Variants in C3orf70 observed in about 807,000 individuals in gnomAD.
C3orf70 encodes UPF0524 protein C3orf70.
In C3orf70, 15 loss-of-function variants were observed where a neutral mutation model predicts 20.7. That is an observed-to-expected ratio of 0.72 (90% CI 0.48 to 1.11). The LOEUF (loss-of-function observed/expected upper bound fraction) is 1.11, where lower values mean the gene tolerates loss of function less well. Among genes scored for constraint, C3orf70 ranks in the 50% most tolerant of loss-of-function variants. The pLI is 0.00. For missense variants in C3orf70, 332 were observed against 317.6 expected (o/e 1.05, Z -0.34); for synonymous variants, 161 against 125.7 (o/e 1.28, Z -1.88).
rs745369058 is a variant in C3orf70 at position 185,078,078 on chromosome 3, G to A, written c.*4929C>T. The A allele has an allele frequency of 2.0e-5, 3 of 152,474 alleles. No individual in the cohort carries two copies. The highest frequency in any genetic ancestry group is 6.5e-5 in the Admixed American group (1 of 15,272). The allele number at this position is 152,474 out of a possible 1,614,324, so 9.4% of individuals were successfully genotyped here. ...TGGTATAAAAGAAAAAAAAAATCAC[G>A]TTTATTTTACAAGGCAGTTATTTTC... On this transcript the variant is annotated 3_prime_UTR_variant, in exon 2 of 2. Transcript: ENST00000335012.
chr3:185,122,881 C>T (rs1394540473), intron 1 of C3orf70, among the ~76,000 whole-genome samples: 1 of 151,838 alleles, frequency 6.6e-6, no homozygotes, highest in Non-Finnish European at 1.5e-5. Flanking sequence ...ATGGGCCAGG[C>T]GCAGTGGCTC....
At chr3:185,112,248 C>T (rs937505055) in intron 1 of C3orf70, among the ~76,000 whole-genome samples, 4 of 152,208 alleles carry the variant, frequency 2.6e-5, no homozygotes, top group Admixed American at 2.0e-4. Flanking sequence ...CAAGATCACA[C>T]CACTGCATTC....
intron 1 of C3orf70, among the ~76,000 whole-genome samples, chr3:185,108,516 T>C (rs534959739): frequency 3.8e-4 from 58 of 152,386 alleles, no homozygotes; most frequent in African/African-American, 1.3e-3. Context: ...CCTTTTTACA[T>C]CACTCACATT....
At chr3:185,091,963 AT>A (rs146504613) in intron 1 of C3orf70, among the ~76,000 whole-genome samples, 46 of 15,664 alleles carry the variant, frequency 2.9e-3, no homozygotes, top group East Asian at 9.4e-3. Context: ...ATATATATAT[AT>A]TTTTTTTTTT....
At chr3:185,120,714 TAA>T (rs565950615) in intron 1 of C3orf70, among the ~76,000 whole-genome samples, 35 of 72,694 alleles carry the variant, frequency 4.8e-4, no homozygotes, top group Admixed American at 5.8e-4. Context: ...AATCCAAAAC[TAA>T]AAAAAAAAAA....
At chr3:185,103,976 A>G (rs1300754579) in intron 1 of C3orf70, among the ~76,000 whole-genome samples, 3 of 152,190 alleles carry the variant, frequency 2.0e-5, no homozygotes, top group African/African-American at 4.8e-5. Flanking sequence ...TGCTTTGTGC[A>G]TGCCTAGAGA....
chr3:185,137,661 G>A (rs986433313), intron 1 of C3orf70, among the ~76,000 whole-genome samples: 3 of 152,164 alleles, frequency 2.0e-5, no homozygotes, highest in Non-Finnish European at 4.4e-5. Flanking sequence ...GGTCAGAAAG[G>A]AAGTTTCGAG....
At chr3:185,105,366 G>A (rs533634545) in intron 1 of C3orf70, among the ~76,000 whole-genome samples, 9 of 152,352 alleles carry the variant, frequency 5.9e-5, no homozygotes, top group African/African-American at 2.2e-4. Flanking sequence ...CCCACTCAGG[G>A]TGGAAAACCG....
intron 1 of C3orf70, among the ~76,000 whole-genome samples, chr3:185,095,555 C>T (rs1036980294): frequency 3.3e-5 from 5 of 152,116 alleles, no homozygotes; most frequent in Non-Finnish European, 7.4e-5. Flanking sequence ...ACAAGTCAGC[C>T]TGATTTAAGA....
intron 1 of C3orf70, among the ~76,000 whole-genome samples, chr3:185,131,376 G>A (rs1716519647): frequency 6.6e-6 from 1 of 152,152 alleles, no homozygotes; most frequent in Admixed American, 6.5e-5. Flanking sequence ...AAGTAACCAA[G>A]TGGTAATATC....
At chr3:185,103,039 G>A (rs947498633) in intron 1 of C3orf70, among the ~76,000 whole-genome samples, 4 of 152,148 alleles carry the variant, frequency 2.6e-5, no homozygotes, top group African/African-American at 9.7e-5. Context: ...GAGGTCAGGG[G>A]TTCGAGACCA....
intron 1 of C3orf70, among the ~76,000 whole-genome samples, chr3:185,084,257 T>C (rs1000635984): frequency 6.6e-6 from 1 of 152,122 alleles, no homozygotes; most frequent in Non-Finnish European, 1.5e-5. Flanking sequence ...TCTCTAATAA[T>C]GTTTGTGTTA....
chr3:185,090,485 G>A (rs1715542947), intron 1 of C3orf70, among the ~76,000 whole-genome samples: 2 of 151,950 alleles, frequency 1.3e-5, no homozygotes, highest in South Asian at 4.2e-4. Context: ...ACTGCTCTCA[G>A]GGAATGCAAA....
chr3:185,079,299 A>AAAAAAG lies in C3orf70; in HGVS notation c.*3702_*3707dup. On this transcript the variant is annotated 3_prime_UTR_variant, in exon 2 of 2. Transcript: ENST00000335012. ...CTGTCTCAAAAAAAAAAAAAAAAAA[A>AAAAAAG]AAAAAGTAAAGCCACCACTCCCAAG... 1 of 148,244 alleles carries AAAAAAG rather than the reference A, an allele frequency of 6.7e-6. No homozygotes were observed. The highest frequency in any genetic ancestry group is 1.5e-5 in the Non-Finnish European group (1 of 67,128). The allele number at this position is 148,244 out of a possible 1,614,324, so 9.2% of individuals were successfully genotyped here.
At chr3:185,152,606 G>A (rs1228441119) in intron 1 of C3orf70, 22 bp downstream of exon 1, 2 of 1,531,130 alleles carry the variant, frequency 1.3e-6, no homozygotes, top group African/African-American at 1.4e-5. Flanking sequence ...GGCGGAAGGC[G>A]GGAAGACGCG....
chr3:185,134,541 T>A (rs925042924), intron 1 of C3orf70, among the ~76,000 whole-genome samples: 1 of 152,086 alleles, frequency 6.6e-6, no homozygotes, highest in African/African-American at 2.4e-5. Flanking sequence ...AAAAAAGTTG[T>A]CAATCAGGAA....
chr3:185,091,789 A>G (rs1715574887), intron 1 of C3orf70, among the ~76,000 whole-genome samples: 1 of 148,238 alleles, frequency 6.7e-6, no homozygotes, highest in Non-Finnish European at 1.5e-5. Context: ...GGTTCAAGCA[A>G]TTCTCCTGCC....
chr3:185,117,879 A>C (rs1346664458), intron 1 of C3orf70, among the ~76,000 whole-genome samples: 1 of 152,200 alleles, frequency 6.6e-6, no homozygotes, highest in Non-Finnish European at 1.5e-5. Context: ...AAGTGAAATC[A>C]GTACAATTTT....
rs1477116151 is a variant in C3orf70 at position 185,086,803 on chromosome 3, A to G, written c.197-3240T>C. Among the ~76,000 whole-genome samples the G allele has an allele frequency of 2.0e-5, 3 of 152,332 alleles. No homozygotes were observed. In the East Asian group the frequency reaches 5.8e-4, roughly 29 times the overall value. On this transcript the variant is annotated intron_variant, in intron 1 of 1. Coordinates refer to ENST00000335012, the MANE Select transcript of C3orf70 (RefSeq NM_001025266.3). ...ATCTGGTGATATGGGGATGCAAAGA[A>G]AGAGAGGAGGAAAATAGTAAAGATG...
Sources: gnomAD v4.1 joint callset for allele counts (sites outside exome capture counted in the v4.1 genomes callset) on GRCh38, gnomAD v4.1.1 for gene constraint, MANE v1.5 for transcripts, NCBI Gene and HGNC (gene_info 2026-07-23, HGNC 2026-07-21) for gene names.